Variants in TAFA1 observed in about 807,000 individuals in gnomAD.
TAFA1 encodes chemokine-like protein TAFA-1.
TAFA1 carries 4 observed loss-of-function variants against 18.5 expected under a neutral mutation model. The observed-to-expected ratio is 0.22, with a 90% CI of 0.11 to 0.49. TAFA1 has a LOEUF of 0.49. Among genes scored for constraint, TAFA1 ranks in the 20% least tolerant of loss-of-function variants. TAFA1 has a pLI of 0.98. For missense variants in TAFA1, 147 were observed against 169.0 expected (o/e 0.87, Z 0.72); for synonymous variants, 56 against 55.2 (o/e 1.01, Z -0.06).
At chr3:68,136,914 G>T (rs1255875730) in intron 2 of TAFA1, among the ~76,000 whole-genome samples, 1 of 152,164 alleles carries the variant, frequency 6.6e-6, no homozygotes, top group Non-Finnish European at 1.5e-5. Context: ...GGATACTTCA[G>T]TGTTCTTTTT....
chr3:68,180,777 C>T (rs889064683), intron 2 of TAFA1, among the ~76,000 whole-genome samples: 9 of 152,142 alleles, frequency 5.9e-5, no homozygotes, highest in Admixed American at 4.6e-4. Context: ...GCTTCTAATA[C>T]GACCCCTGAT....
At chr3:68,497,508 G>A (rs986787507) in intron 3 of TAFA1, among the ~76,000 whole-genome samples, 1 of 152,148 alleles carries the variant, frequency 6.6e-6, no homozygotes, top group Non-Finnish European at 1.5e-5. Flanking sequence ...GTAGAAATAT[G>A]TCAGTTGGGA....
At chr3:68,435,917 G>C (rs879893661) in intron 3 of TAFA1, among the ~76,000 whole-genome samples, 2 of 152,130 alleles carry the variant, frequency 1.3e-5, no homozygotes, top group Admixed American at 6.6e-5. Flanking sequence ...GAATCACCTA[G>C]GGAGGTTTTT....
intron 2 of TAFA1, among the ~76,000 whole-genome samples, chr3:68,176,486 A>G (rs1281668520): frequency 3.9e-5 from 6 of 152,228 alleles, no homozygotes; most frequent in African/African-American, 1.4e-4. Context: ...CACCAAGTAA[A>G]TAATAAAGTT....
intron 3 of TAFA1, among the ~76,000 whole-genome samples, chr3:68,446,968 A>G (rs1239686471): frequency 6.6e-6 from 1 of 152,154 alleles, no homozygotes; most frequent in Non-Finnish European, 1.5e-5. Flanking sequence ...CTAATTATCC[A>G]TCCATTGCAT....
At chr3:68,047,405 A>G (rs763323777) in intron 2 of TAFA1, among the ~76,000 whole-genome samples, 7 of 152,206 alleles carry the variant, frequency 4.6e-5, no homozygotes, top group Non-Finnish European at 8.8e-5. Flanking sequence ...AAGGGATGGC[A>G]TAGCAGCCAA....
chr3:68,365,990 CAGG>C (rs2069563081), intron 2 of TAFA1, among the ~76,000 whole-genome samples: 1 of 147,912 alleles, frequency 6.8e-6, no homozygotes, highest in Non-Finnish European at 1.5e-5. Flanking sequence ...GAGGCTGAGG[CAGG>C]AGAATCACTT....
chr3:68,301,797 A>G (rs562086966), intron 2 of TAFA1, among the ~76,000 whole-genome samples: 1 of 152,356 alleles, frequency 6.6e-6, no homozygotes, highest in Admixed American at 6.5e-5. Context: ...GTGGGAAAGC[A>G]AGAAAGAACA....
chr3:68,255,774 G>A (rs776781408), intron 2 of TAFA1, among the ~76,000 whole-genome samples: 5 of 152,018 alleles, frequency 3.3e-5, no homozygotes, highest in African/African-American at 9.7e-5. Flanking sequence ...ATTGACTAAA[G>A]TGTCCAAAGT....
chr3:68,435,774 G>A (rs924095312), intron 3 of TAFA1, among the ~76,000 whole-genome samples: 2 of 152,198 alleles, frequency 1.3e-5, no homozygotes, highest in African/African-American at 2.4e-5. Flanking sequence ...ACTATGGCAA[G>A]GGGAGTGTTC....
chr3:68,046,009 C>T (rs538395428), intron 2 of TAFA1, among the ~76,000 whole-genome samples: 23 of 152,208 alleles, frequency 1.5e-4, no homozygotes, highest in Non-Finnish European at 3.2e-4. Context: ...ATTTGCCCCC[C>T]TGGAAGTATC....
intron 2 of TAFA1, among the ~76,000 whole-genome samples, chr3:68,071,763 C>A (rs149796418): frequency 6.6e-6 from 1 of 152,086 alleles, no homozygotes; most frequent in Non-Finnish European, 1.5e-5. Context: ...GTGATGGCAA[C>A]TGCTCGGCTT....
intron 2 of TAFA1, among the ~76,000 whole-genome samples, chr3:68,047,188 C>G (rs1244390023): frequency 4.6e-5 from 7 of 152,142 alleles, no homozygotes; most frequent in South Asian, 2.1e-4. Context: ...TTTCTTTAGA[C>G]AAGTCTAGGA....
chr3:68,177,072 G>A, intron 2 of TAFA1, among the ~76,000 whole-genome samples: 1 of 152,138 alleles, frequency 6.6e-6, no homozygotes, highest in East Asian at 1.9e-4. Context: ...CAGAAACTCA[G>A]ATGGTGTCAA....
At chr3:68,473,986 A>G (rs541627389) in intron 3 of TAFA1, among the ~76,000 whole-genome samples, 2 of 152,256 alleles carry the variant, frequency 1.3e-5, no homozygotes, top group African/African-American at 4.8e-5. Context: ...ATAAAGGTCA[A>G]CATGAGCAAA....
chr3:68,275,438 C>T (rs916685060), intron 2 of TAFA1, among the ~76,000 whole-genome samples: 9 of 150,764 alleles, frequency 6.0e-5, no homozygotes, highest in Non-Finnish European at 1.0e-4. Flanking sequence ...GGAAAGGGGG[C>T]TTCAAGCAAG....
chr3:68,032,546 T>C (rs1055984617), intron 2 of TAFA1, among the ~76,000 whole-genome samples: 1 of 152,128 alleles, frequency 6.6e-6, no homozygotes, highest in Non-Finnish European at 1.5e-5. Context: ...GAACACAGAG[T>C]GAGAATTTGC....
At chr3:68,188,313 G>A (rs1375927764) in intron 2 of TAFA1, among the ~76,000 whole-genome samples, 1 of 151,716 alleles carries the variant, frequency 6.6e-6, no homozygotes, top group African/African-American at 2.4e-5. Context: ...TGCTAAGTTT[G>A]CTATTTTAAA....
intron 3 of TAFA1, among the ~76,000 whole-genome samples, chr3:68,499,264 G>GA (rs5849851): frequency 0.44 from 64,940 of 148,122 alleles, 14,551 homozygotes; most frequent in Middle Eastern, 0.5. Context: ...TATGTTAAAA[G>GA]AAAAAAAAAA....
Sources: allele counts gnomAD v4.1 joint callset (sites outside exome capture counted in the v4.1 genomes callset), GRCh38; gene constraint gnomAD v4.1.1; transcripts MANE v1.5; gene names NCBI Gene and HGNC (gene_info 2026-07-23, HGNC 2026-07-21).